The following DNAI7 variants were observed in gnomAD, a reference collection of about 807,000 sequenced individuals.
DNAI7 encodes cancer susceptibility 1.
In DNAI7, 78 loss-of-function variants were observed where a neutral mutation model predicts 86.6. That is an observed-to-expected ratio of 0.90 (90% CI 0.75 to 1.09). The LOEUF is 1.09. Ranked by LOEUF, DNAI7 falls within the 50% of genes least tolerant of loss-of-function variation. The pLI, the probability that DNAI7 is intolerant of heterozygous loss-of-function variation, is 0.00. For missense variants in DNAI7, 753 were observed against 810.2 expected, an observed-to-expected ratio of 0.93 and a Z score of 0.86; for synonymous variants, 274 against 273.0, an observed-to-expected ratio of 1.00 and a Z score of -0.04.
At chr12:25,188,464 C>A (rs906319966) in intron 2 of DNAI7, among the ~76,000 whole-genome samples, 1 of 152,042 alleles carries the variant, frequency 6.6e-6, no homozygotes, top group Non-Finnish European at 1.5e-5. Context: ...CTTTAAAAAA[C>A]CAGAAAGTAT....
intron 2 of DNAI7, among the ~76,000 whole-genome samples, chr12:25,164,786 C>A (rs1364810799): frequency 6.6e-6 from 1 of 152,024 alleles, no homozygotes; most frequent in Non-Finnish European, 1.5e-5. Flanking sequence ...TTCTTTTCTA[C>A]AGACCCATCT....
chr12:25,122,215 T>C (rs1385281783), intron 10 of DNAI7, among the ~76,000 whole-genome samples: 1 of 152,150 alleles, frequency 6.6e-6, no homozygotes, highest in East Asian at 1.9e-4. Context: ...CCCACTACTT[T>C]GCGAGGCTGA....
intron 9 of DNAI7, among the ~76,000 whole-genome samples, chr12:25,135,879 A>T (rs1338599670): frequency 6.6e-6 from 1 of 151,944 alleles, no homozygotes; most frequent in Non-Finnish European, 1.5e-5. Flanking sequence ...GAGCCCAGAC[A>T]TGCCTATACC....
At chr12:25,190,348 A>G (rs1950409531) in intron 2 of DNAI7, among the ~76,000 whole-genome samples, 1 of 152,200 alleles carries the variant, frequency 6.6e-6, no homozygotes, top group African/African-American at 2.4e-5. Context: ...AGAATTAACA[A>G]AAAGCCCCAA....
chr12:25,120,315 A>AGG (rs1555156523), intron 11 of DNAI7, among the ~76,000 whole-genome samples: 13 of 124,272 alleles, frequency 1.0e-4, no homozygotes, highest in Middle Eastern at 4.1e-3. Context: ...AGGCAGGAAG[A>AGG]GGGAGAGAGA....
At chr12:25,107,846 A>T (rs1165234703), downstream of DNAI7, 2 of 1,613,770 alleles carry the variant, frequency 1.2e-6, no homozygotes, top group Non-Finnish European at 1.7e-6. Flanking sequence ...TGGGCAACAA[A>T]TCTCAAGTCC....
At chr12:25,192,065 C>T (rs1413000132) in intron 1 of DNAI7, among the ~76,000 whole-genome samples, 1 of 152,178 alleles carries the variant, frequency 6.6e-6, no homozygotes, top group East Asian at 1.9e-4. Context: ...CACTAATTCA[C>T]TCGGCAGATA....
chr12:25,130,141 C>T (rs1942704947), intron 9 of DNAI7, among the ~76,000 whole-genome samples: 1 of 152,194 alleles, frequency 6.6e-6, no homozygotes, highest in African/African-American at 2.4e-5. Flanking sequence ...CTCTTCTAAT[C>T]CACAAGATTG....
rs147401689 is a variant in DNAI7, at chr12:25,144,545, T to C, written c.822A>G (p.Thr274=). 593 of 1,614,142 alleles carry C rather than the reference T, an allele frequency of 3.7e-4. 4 individuals are homozygous for C. Among genetic ancestry groups the C allele is most frequent in the South Asian group, 2.6e-3 (237 of 91,080 alleles). ...DHVSALHPVS[T]PSKEYTSAVT... ...CTGCAGAAGTGTATTCTTTTGATGG[T>C]GTTGAAACAGGGTGCAGTGCAGAAA... The change falls in exon 9 of 16, where the codon ACA becomes ACG. Residue 274 remains threonine, a synonymous_variant. Transcript: ENST00000395987.
intron 2 of DNAI7, among the ~76,000 whole-genome samples, chr12:25,178,351 T>C (rs978622639): frequency 1.3e-5 from 2 of 152,194 alleles, no homozygotes; most frequent in Non-Finnish European, 2.9e-5. Context: ...GCTATTTGTC[T>C]AATTCATCTA....
rs757369425 is a variant in DNAI7, at chr12:25,121,901, A to G, written c.1091T>C (p.Leu364Pro). Residue 364 changes from leucine (L) to proline (P), a missense_variant, in exon 11 of 16, where the codon CTG becomes CCG. Leu to Pro is a moderately conservative substitution (Grantham distance 98, BLOSUM62 -3). Transcript: ENST00000395987. ...TGGCTTTTCAGAAGAATTCTCTACC[A>G]GCAACAACTGTGCTAAAATTAATCA... ...SETVSAAQLL[L>P]VENSSEKPDF... is the part of the protein sequence containing the mutation. The G allele has an allele frequency of 6.3e-7, 1 of 1,584,036 alleles. No individual in the cohort carries two copies. The highest frequency in any genetic ancestry group is 1.2e-5 in the South Asian group (1 of 85,218).
intron 2 of DNAI7, among the ~76,000 whole-genome samples, chr12:25,169,987 G>A (rs986105357): frequency 3.9e-5 from 6 of 152,144 alleles, no homozygotes; most frequent in Non-Finnish European, 8.8e-5. Context: ...AGCATTTCAT[G>A]CAAATGGATA....
At chr12:25,163,610 T>C (rs968593601) in intron 2 of DNAI7, among the ~76,000 whole-genome samples, 3 of 152,194 alleles carry the variant, frequency 2.0e-5, no homozygotes, top group Non-Finnish European at 4.4e-5. Flanking sequence ...GGTCTCTTCA[T>C]ATGGACGAGA....
Position 25,114,886 on chromosome 12 carries a change from A to T in DNAI7, c.1397-16T>A, listed in dbSNP as rs1939758033. The T allele has an allele frequency of 6.4e-7, 1 of 1,556,510 alleles. No individual in the cohort carries two copies. Among genetic ancestry groups the T allele is most frequent in the African/African-American group, 1.4e-5 (1 of 73,476 alleles). ...CAATGTTTACCTTTATAATTGATGA[A>T]GAAAGTGACACTAGTTTCATTTTTT... On this transcript the variant is annotated splice_polypyrimidine_tract_variant and intron_variant, in intron 12 of 15. Transcript: ENST00000395987.
At chr12:25,163,635 C>T (rs1947094109) in intron 2 of DNAI7, among the ~76,000 whole-genome samples, 1 of 152,142 alleles carries the variant, frequency 6.6e-6, no homozygotes, top group East Asian at 1.9e-4. Context: ...AATCTGGTGC[C>T]GTGACTTGGA....
chr12:25,172,783 C>T (rs1015111154), intron 2 of DNAI7, among the ~76,000 whole-genome samples: 2 of 151,988 alleles, frequency 1.3e-5, no homozygotes, highest in African/African-American at 4.8e-5. Context: ...GAATAGAGAA[C>T]CCAGAAATAA....
chr12:25,179,693 C>T (rs1284566241), intron 2 of DNAI7, among the ~76,000 whole-genome samples: 2 of 151,638 alleles, frequency 1.3e-5, no homozygotes, highest in African/African-American at 2.4e-5. Flanking sequence ...TATGATCATC[C>T]CAATAGACAC....
At chr12:25,146,335 G>A (rs887880663) in intron 8 of DNAI7, among the ~76,000 whole-genome samples, 18 of 151,622 alleles carry the variant, frequency 1.2e-4, no homozygotes, top group Non-Finnish European at 2.2e-4. Flanking sequence ...AGTGGCTCAC[G>A]CCTGTAATCC....
intron 2 of DNAI7, among the ~76,000 whole-genome samples, chr12:25,175,343 A>G (rs1948838068): frequency 6.6e-6 from 1 of 152,010 alleles, no homozygotes; most frequent in South Asian, 2.1e-4. Context: ...TTCCCATTGC[A>G]GTGGATGAAC....
Sources: gnomAD v4.1 joint callset for allele counts (sites outside exome capture counted in the v4.1 genomes callset) on GRCh38, gnomAD v4.1.1 for gene constraint, MANE v1.5 for transcripts, NCBI Gene and HGNC (gene_info 2026-07-23, HGNC 2026-07-21) for gene names.